The following SEPTIN7 variants were observed in gnomAD, a reference collection of about 807,000 sequenced individuals.
SEPTIN7 encodes the protein septin 7, also known as septin-7.
A neutral mutation model predicts 63.3 loss-of-function variants in SEPTIN7; 10 were observed. The observed-to-expected ratio is 0.16, with a 90% CI of 0.10 to 0.27. The LOEUF (loss-of-function observed/expected upper bound fraction) is 0.27, where lower values mean the gene tolerates loss of function less well. SEPTIN7 is among the 10% of genes least tolerant of loss of function. The probability of loss-of-function intolerance (pLI) is 1.00; values close to 1 mark genes in which losing one functional copy is unlikely to be tolerated. For missense variants in SEPTIN7, 310 were observed against 521.0 expected (o/e 0.59, Z 3.94); for synonymous variants, 131 against 165.3 (o/e 0.79, Z 1.59).
chr7:35,824,703 A>T (rs1004214478), intron 1 of SEPTIN7, among the ~76,000 whole-genome samples: 1 of 152,176 alleles, frequency 6.6e-6, no homozygotes, highest in Non-Finnish European at 1.5e-5. Context: ...CATGTCTTTA[A>T]TATCTAACCT....
intron 1 of SEPTIN7, among the ~76,000 whole-genome samples, chr7:35,830,053 G>T (rs1196642476): frequency 6.6e-6 from 1 of 152,084 alleles, no homozygotes; most frequent in Non-Finnish European, 1.5e-5. Context: ...GGGTGTGGTG[G>T]CACATGCCTG....
chr7:35,801,246 A>T lies in SEPTIN7; in HGVS notation c.37A>T (p.Arg13Trp), dbSNP rs1341599571. The T allele has an allele frequency of 6.5e-7, 1 of 1,533,926 alleles. No individual in the cohort carries two copies. Among genetic ancestry groups the T allele is most frequent in the African/African-American group, 1.4e-5 (1 of 70,796 alleles). Residue 13 changes from arginine to tryptophan, a missense_variant, in exon 1 of 14, where the codon AGG (arginine) becomes TGG (tryptophan). By Grantham distance (101) the Arg-to-Trp change is moderately radical. Coordinates refer to ENST00000350320, the MANE Select transcript of SEPTIN7 (RefSeq NM_001788.6). ...TGCGAGATCCGCTGCTGCTGAGGAG[A>T]GGAGCGTCAACAGCAGCACCATGGG... ...VSARSAAAEE[R>W]SVNSSTMVAQ...
At chr7:35,802,199 C>G (rs1489097132) in intron 1 of SEPTIN7, 1 of 280,322 alleles carries the variant, frequency 3.6e-6, no homozygotes, top group African/African-American at 2.2e-5. Context: ...CCTTTCCTCC[C>G]CCACATGTTG....
intron 6 of SEPTIN7, among the ~76,000 whole-genome samples, chr7:35,876,475 G>A (rs1018142820): frequency 3.3e-5 from 5 of 152,072 alleles, no homozygotes; most frequent in East Asian, 1.9e-4. Context: ...ATATTTCATG[G>A]CATTTATATT....
At chr7:35,839,523 TTTATGTTATG>T (rs59165377) in intron 3 of SEPTIN7, among the ~76,000 whole-genome samples, 10,360 of 148,262 alleles carry the variant, frequency 0.07, 401 homozygotes, top group South Asian at 0.15. Context: ...ATTTTTGTAA[TTTATGTTATG>T]TTATGTTATG....
At chr7:35,815,287 C>G in intron 1 of SEPTIN7, 1 of 290,204 alleles carries the variant, frequency 3.4e-6, no homozygotes, top group Non-Finnish European at 6.8e-6. Flanking sequence ...CTCATTGCTG[C>G]TGGGGTGTCA....
intron 1 of SEPTIN7, chr7:35,815,213 A>G (rs527543603): frequency 2.4e-6 from 1 of 420,698 alleles, no homozygotes; most frequent in Non-Finnish European, 4.7e-6. Context: ...ACCATTGTCC[A>G]AGGAGTCCAG....
At chr7:35,840,350 C>T (rs1319249605) in intron 3 of SEPTIN7, among the ~76,000 whole-genome samples, 1 of 149,966 alleles carries the variant, frequency 6.7e-6, no homozygotes. Flanking sequence ...CCTTGAGCCC[C>T]TGGACTCAAG....
rs1337542949 is a variant in SEPTIN7 at position 35,905,965 on chromosome 7, T to C, written c.*1672T>C. 2 of 152,248 alleles carry C rather than the reference T, an allele frequency of 1.3e-5. No individual in the cohort carries two copies. Among genetic ancestry groups the C allele is most frequent in the African/African-American group, 4.8e-5 (2 of 41,474 alleles). The allele number at this position is 152,248 out of a possible 1,614,324, so 9.4% of individuals were successfully genotyped here. A position where few individuals can be genotyped will look rare whatever the true frequency, so the allele number is the denominator to read the frequency against. On this transcript the variant is annotated 3_prime_UTR_variant, in exon 14 of 14. Transcript: ENST00000350320. ...TACCCTATTTACTTTTTAAAATTAA[T>C]GACCTAAGCGGAGGGAATAATTATA...
chr7:35,821,841 C>T (rs865807011), intron 1 of SEPTIN7, among the ~76,000 whole-genome samples: 4 of 152,260 alleles, frequency 2.6e-5, no homozygotes, highest in South Asian at 2.1e-4. Flanking sequence ...TGCAGTGGCA[C>T]GATCTTAGCT....
intron 3 of SEPTIN7, among the ~76,000 whole-genome samples, chr7:35,856,402 C>T (rs1331660707): frequency 6.6e-6 from 1 of 152,132 alleles, no homozygotes; most frequent in Non-Finnish European, 1.5e-5. Flanking sequence ...GTGGTTGCTT[C>T]CACGTCTTGG....
downstream of SEPTIN7, among the ~76,000 whole-genome samples, chr7:35,908,780 C>A (rs768615044): frequency 6.6e-6 from 1 of 152,156 alleles, no homozygotes; most frequent in African/African-American, 2.4e-5. Context: ...GAGATTTGCA[C>A]GTAAGTAGAG....
intron 10 of SEPTIN7, among the ~76,000 whole-genome samples, chr7:35,887,932 A>G (rs1462970933): frequency 2.0e-5 from 3 of 152,214 alleles, no homozygotes; most frequent in Non-Finnish European, 4.4e-5. Context: ...GTAAATCCCA[A>G]ATAATTGAAA....
intron 1 of SEPTIN7, among the ~76,000 whole-genome samples, chr7:35,802,596 G>A (rs1045620121): frequency 5.3e-5 from 8 of 152,322 alleles, no homozygotes; most frequent in African/African-American, 1.9e-4. Flanking sequence ...TGCACATGCA[G>A]GTGATGAGTA....
intron 7 of SEPTIN7, among the ~76,000 whole-genome samples, chr7:35,882,048 C>T (rs1786911989): frequency 6.6e-6 from 1 of 151,872 alleles, no homozygotes; most frequent in African/African-American, 2.4e-5. Context: ...CTTACTTTTG[C>T]CAGATTCTAC....
intron 6 of SEPTIN7, among the ~76,000 whole-genome samples, chr7:35,878,640 T>C (rs1583609774): frequency 1.3e-5 from 2 of 152,174 alleles, no homozygotes; most frequent in African/African-American, 2.4e-5. Flanking sequence ...AATGGAGATA[T>C]ACATACATCA....
chr7:35,895,581 T>C (rs779496073), intron 11 of SEPTIN7, among the ~76,000 whole-genome samples: 2 of 152,218 alleles, frequency 1.3e-5, no homozygotes, highest in African/African-American at 4.8e-5. Context: ...GTGTAATGAT[T>C]ATGAACATAA....
the SEPTIN7 span, among the ~76,000 whole-genome samples, chr7:35,913,405 C>T: frequency 0.77 from 115,410 of 149,554 alleles, 44,739 homozygotes; most frequent in East Asian, 0.99. Context: ...TTCTTTCTTT[C>T]TCTTTCTTTC....
chr7:35,817,461 A>G (rs960728813), intron 1 of SEPTIN7, among the ~76,000 whole-genome samples: 5 of 152,106 alleles, frequency 3.3e-5, no homozygotes, highest in Admixed American at 6.5e-5. Context: ...GTAAGTTTTG[A>G]AACTGGGGAG....
Sources: allele counts gnomAD v4.1 joint callset (sites outside exome capture counted in the v4.1 genomes callset), GRCh38; gene constraint gnomAD v4.1.1; transcripts MANE v1.5; gene names NCBI Gene and HGNC (gene_info 2026-07-23, HGNC 2026-07-21).